PIGM: variants seen among roughly 807,000 people sequenced by gnomAD.
PIGM encodes phosphatidylinositol glycan anchor biosynthesis class M.
Under a neutral mutation model 14.6 loss-of-function variants are expected in PIGM, and 7 were observed. The observed-to-expected ratio is 0.48, with a 90% CI of 0.27 to 0.90. The LOEUF (loss-of-function observed/expected upper bound fraction) is 0.90, where lower values mean the gene tolerates loss of function less well. Among genes scored for constraint, PIGM ranks in the 40% least tolerant of loss-of-function variants. The pLI is 0.12. For missense variants in PIGM, 506 were observed against 516.2 expected, an observed-to-expected ratio of 0.98 and a Z score of 0.19; for synonymous variants, 216 against 215.9, an observed-to-expected ratio of 1.00 and a Z score of 0.00.
Position 160,031,967 on chromosome 1 carries a change from C to A in PIGM, c.-228G>T. The A allele has an allele frequency of 1.6e-6, 1 of 638,828 alleles. No individual in the cohort carries two copies. The highest frequency in any genetic ancestry group is 1.8e-5 in the South Asian group (1 of 56,148). 39.6% of individuals were successfully genotyped at this position (638,828 alleles called of 1,614,324 possible). The stretch of plus-strand genomic sequence containing the variant: ...CCGCCCGAGCCAAAAACTTGCCTTC[C>A]TCTGGATGGACGGTCTCGCTTCCGC... On this transcript the variant is annotated 5_prime_UTR_variant, in exon 1 of 1. The change creates a new upstream start codon in the 5' untranslated region. Transcript: ENST00000368090.
Position 160,025,531 on chromosome 1 carries a change from T to C in PIGM, c.*4937A>G, listed in dbSNP as rs1288092795. The C allele has an allele frequency of 6.6e-6, 1 of 152,180 alleles. No homozygotes were observed. Among genetic ancestry groups the C allele is most frequent in the South Asian group, 2.1e-4 (1 of 4,826 alleles). The allele number at this position is 152,180 out of a possible 1,614,324, so 9.4% of individuals were successfully genotyped here. On this transcript the variant is annotated 3_prime_UTR_variant, in exon 1 of 1. Transcript: ENST00000368090. Reference sequence around the variant, plus strand: ...GAAAAGTGCATGATGAAGCCAGCAGTAAACAAAGAAATTACACAATTTGGT... The same window carrying C: ...GAAAAGTGCATGATGAAGCCAGCAGCAAACAAAGAAATTACACAATTTGGT...
Position 160,031,865 on chromosome 1 carries a change from A to C in PIGM, c.-126T>G. 5.4e-6 allele frequency: 6 copies of C among 1,103,478 alleles called. No homozygotes were observed. In the South Asian group the frequency reaches 7.9e-5, roughly 15 times the overall value. The allele number at this position is 1,103,478 out of a possible 1,614,324, so 68.4% of individuals were successfully genotyped here. A position where few individuals can be genotyped will look rare whatever the true frequency, so the allele number is the denominator to read the frequency against. ...ACCCGCCAGGCTGCCAACCGAAACG[A>C]CTGCAGACTATCACATCCGGCATGA... On this transcript the variant is annotated 5_prime_UTR_variant, in exon 1 of 1. Coordinates refer to ENST00000368090, the MANE Select transcript of PIGM (RefSeq NM_145167.3).
In PIGM at chr1:160,031,045, G is replaced by T. The variant is rs1314899868; in HGVS notation, c.695C>A (p.Ala232Glu). The T allele has an allele frequency of 9.9e-6, 16 of 1,614,050 alleles. No homozygotes were observed. The highest frequency in any genetic ancestry group is 1.2e-5 in the Non-Finnish European group (14 of 1,180,038). ...GGCAAAAAACGTGAGTCCAGCAACTGCTACAAACAGCAGCACAGCCCGATT... is the reference window on the plus strand; with the variant it reads ...GGCAAAAAACGTGAGTCCAGCAACTTCTACAAACAGCAGCACAGCCCGATT... Reference protein sequence around the residue: ...LCNRAVLLFVAVAGLTFFALS... With the variant: ...LCNRAVLLFVEVAGLTFFALS... The change falls in exon 1 of 1, where the codon GCA becomes GAA. Residue 232 changes from alanine to glutamate, a missense_variant. Coordinates refer to ENST00000368090, the MANE Select transcript of PIGM (RefSeq NM_145167.3).
In PIGM at chr1:160,031,891, A is replaced by C; in HGVS notation, c.-152T>G. 1 of 967,766 alleles carries C rather than the reference A, an allele frequency of 1.0e-6. No individual in the cohort carries two copies. The highest frequency in any genetic ancestry group is 1.6e-6 in the Non-Finnish European group (1 of 617,026). 59.9% of individuals were successfully genotyped at this position (967,766 alleles called of 1,614,324 possible). A position where few individuals can be genotyped will look rare whatever the true frequency, so the allele number is the denominator to read the frequency against. On this transcript the variant is annotated 5_prime_UTR_variant, in exon 1 of 1. Transcript: ENST00000368090. ...CTGCAGACTATCACATCCGGCATGAAGCCCCGCCCCCGTACTGCTACCTGT... is the reference window on the plus strand; with the variant it reads ...CTGCAGACTATCACATCCGGCATGACGCCCCGCCCCCGTACTGCTACCTGT...
rs867687951 is a variant in PIGM, at chr1:160,031,841, C to G, written c.-102G>C. 1 of 1,397,886 alleles carries G rather than the reference C, an allele frequency of 7.2e-7. No individual in the cohort carries two copies. The highest frequency in any genetic ancestry group is 1.0e-6 in the Non-Finnish European group (1 of 997,678). The allele number at this position is 1,397,886 out of a possible 1,614,324, so 86.6% of individuals were successfully genotyped here. ...CAGCAGGTGGCCGCCGCATCTCCCA[C>G]CCGCCAGGCTGCCAACCGAAACGAC... On this transcript the variant is annotated 5_prime_UTR_variant, in exon 1 of 1. Transcript: ENST00000368090.
In PIGM at chr1:160,025,026, T is replaced by C. The variant is rs1648153450; in HGVS notation, c.*5442A>G. 6.6e-6 allele frequency: 1 copy of C among 152,244 alleles called. No homozygotes were observed. The highest frequency in any genetic ancestry group is 2.4e-5 in the African/African-American group (1 of 41,464). 9.4% of individuals were successfully genotyped at this position (152,244 alleles called of 1,614,324 possible). ...TGAGAATAAAGTTTATGATCAAAGG[T>C]AGTCAAACATTTATTTTATATAAAT... On this transcript the variant is annotated 3_prime_UTR_variant, in exon 1 of 1. Coordinates refer to ENST00000368090, the MANE Select transcript of PIGM (RefSeq NM_145167.3).
chr1:160,031,189 A>G lies in PIGM; in HGVS notation c.551T>C (p.Val184Ala), dbSNP rs1233584331. 5 of 1,614,172 alleles carry G rather than the reference A, an allele frequency of 3.1e-6. No individual in the cohort carries two copies. In the African/African-American group the frequency reaches 6.7e-5, roughly 22 times the overall value. ...GAGGGTTATGGGAAGGATGTAAGTC[A>G]CTGGATATATCTTCATATGCACCGC... is the stretch of plus-strand genomic sequence containing the variant. The part of the protein sequence containing the change: ...GFAVHMKIYP[V>A]TYILPITLHL... Residue 184 changes from valine (V) to alanine (A), a missense_variant, in exon 1 of 1, where the codon GTG becomes GCG. Val to Ala is a moderately conservative substitution (Grantham distance 64). Transcript: ENST00000368090.
In PIGM at chr1:160,028,724, A is replaced by G. The variant is rs2101918524; in HGVS notation, c.*1744T>C. 6.6e-6 allele frequency: 1 copy of G among 152,338 alleles called. No homozygotes were observed. The highest frequency in any genetic ancestry group is 2.1e-4 in the South Asian group (1 of 4,828). 9.4% of individuals were successfully genotyped at this position (152,338 alleles called of 1,614,324 possible). A position where few individuals can be genotyped will look rare whatever the true frequency, so the allele number is the denominator to read the frequency against. ...CTTATCTTTTAAAAAACACAATCAC[A>G]AAATCATATTCATATACTGCTACTG... On this transcript the variant is annotated 3_prime_UTR_variant, in exon 1 of 1. Transcript: ENST00000368090.
chr1:160,030,632 T>C lies in PIGM; in HGVS notation c.1108A>G (p.Met370Val), dbSNP rs1442560061. The C allele has an allele frequency of 1.9e-6, 3 of 1,614,226 alleles. No individual in the cohort carries two copies. The highest frequency in any genetic ancestry group is 2.2e-5 in the East Asian group (1 of 44,892). The change falls in exon 1 of 1, where the codon ATG (methionine) becomes GTG (valine). Residue 370 changes from methionine to valine, a missense_variant. Physicochemically the swap from Met to Val is conservative, Grantham distance 21. Transcript: ENST00000368090. ...LLMLWFIGQAMWLAPAYVLEF... is the reference protein window; with the variant it reads ...LLMLWFIGQAVWLAPAYVLEF... ...AGAACATAGGCAGGAGCCAGCCACATGGCCTGCCCTATAAACCATAACATT... is the reference window on the plus strand; with the variant it reads ...AGAACATAGGCAGGAGCCAGCCACACGGCCTGCCCTATAAACCATAACATT...
Position 160,029,698 on chromosome 1 carries a change from A to C in PIGM, c.*770T>G, listed in dbSNP as rs1648271213. The C allele has an allele frequency of 6.6e-6, 1 of 151,060 alleles. No homozygotes were observed. The highest frequency in any genetic ancestry group is 2.4e-5 in the African/African-American group (1 of 41,092). 9.4% of individuals were successfully genotyped at this position (151,060 alleles called of 1,614,324 possible). ...TGTAAGACCCCACATTTAATATAGA[A>C]GTTTAAAACTCTCTAAAATAATACT... On this transcript the variant is annotated 3_prime_UTR_variant, in exon 1 of 1. Coordinates refer to ENST00000368090, the MANE Select transcript of PIGM (RefSeq NM_145167.3).
Position 160,026,732 on chromosome 1 carries a change from G to A in PIGM, c.*3736C>T, listed in dbSNP as rs1053723766. On this transcript the variant is annotated 3_prime_UTR_variant, in exon 1 of 1. Transcript: ENST00000368090. ...GGTCCCAGCTACTTGGGAGGCTGAG[G>A]AGGAAGGATCACTTGAGCCTGGGAG... The A allele has an allele frequency of 6.6e-6, 1 of 152,178 alleles. No homozygotes were observed. The highest frequency in any genetic ancestry group is 1.5e-5 in the Non-Finnish European group (1 of 68,034). The allele number at this position is 152,178 out of a possible 1,614,324, so 9.4% of individuals were successfully genotyped here.
rs1246951495 is a variant in PIGM, at chr1:160,030,039, T to C, written c.*429A>G. The C allele has an allele frequency of 5.0e-6, 1 of 200,736 alleles. No homozygotes were observed. Among genetic ancestry groups the C allele is most frequent in the Admixed American group, 5.3e-5 (1 of 18,880 alleles). The allele number at this position is 200,736 out of a possible 1,614,324, so 12.4% of individuals were successfully genotyped here. A position where few individuals can be genotyped will look rare whatever the true frequency, so the allele number is the denominator to read the frequency against. ...ACCATACACAGTTTAAGAATATTTT[T>C]TGGATTTTCACAGCTGTCAGGAAAG... On this transcript the variant is annotated 3_prime_UTR_variant, in exon 1 of 1. Coordinates refer to ENST00000368090, the MANE Select transcript of PIGM (RefSeq NM_145167.3).
rs1225044337 is a variant in PIGM, at chr1:160,026,013, G to A, written c.*4455C>T. Reference sequence around the variant, plus strand: ...GTTGTTGGGGCAGGGCTTGGAGTTGGGGGTTGGATATTAAGATTCCAAACC... The same window carrying A: ...GTTGTTGGGGCAGGGCTTGGAGTTGAGGGTTGGATATTAAGATTCCAAACC... On this transcript the variant is annotated 3_prime_UTR_variant, in exon 1 of 1. Transcript: ENST00000368090. 1.3e-5 allele frequency: 2 copies of A among 152,080 alleles called. No homozygotes were observed. 9.4% of individuals were successfully genotyped at this position (152,080 alleles called of 1,614,324 possible).
At position 160,030,937 on chromosome 1, in the gene PIGM, C is replaced by A; in HGVS notation, c.803G>T (p.Arg268Leu). 5 of 1,614,128 alleles carry A rather than the reference C, an allele frequency of 3.1e-6. 1 individual carries two copies. In the South Asian group the frequency reaches 5.5e-5, roughly 18 times the overall value. ...YFYHLTRRDI[R>L]HNFSPYFYML... ...GTAGAAGTACGGAGAAAAGTTGTGA[C>A]GGATATCCCGCCTAGTCAGGTGATA... Residue 268 changes from arginine to leucine, a missense_variant, in exon 1 of 1, where the codon CGT becomes CTT. Physicochemically the swap from Arg to Leu is moderately radical, Grantham distance 102. Coordinates refer to ENST00000368090, the MANE Select transcript of PIGM (RefSeq NM_145167.3).
In PIGM at chr1:160,026,985, C is replaced by CT. The variant is rs995933756; in HGVS notation, c.*3482dup. 4.3e-4 allele frequency: 64 copies of CT among 148,750 alleles called. No individual in the cohort carries two copies. The highest frequency in any genetic ancestry group is 1.2e-3 in the African/African-American group (49 of 40,662). 9.2% of individuals were successfully genotyped at this position (148,750 alleles called of 1,614,324 possible). ...TCCCACTTCAGCTTCCCAAGTAGCA[C>CT]TTTTTTTTTTGTACAGATGGGGGTC... On this transcript the variant is annotated 3_prime_UTR_variant, in exon 1 of 1. Coordinates refer to ENST00000368090, the MANE Select transcript of PIGM (RefSeq NM_145167.3).
rs1571258631 is a variant in PIGM, at chr1:160,027,873, C to T, written c.*2595G>A. On this transcript the variant is annotated 3_prime_UTR_variant, in exon 1 of 1. Coordinates refer to ENST00000368090, the MANE Select transcript of PIGM (RefSeq NM_145167.3). ...ACAAAGTGCAAAATATCTTTTGCATCCCTTTAAGAAACACCTGCCTTTCTT... is the reference window on the plus strand; with the variant it reads ...ACAAAGTGCAAAATATCTTTTGCATTCCTTTAAGAAACACCTGCCTTTCTT... The T allele has an allele frequency of 1.3e-5, 2 of 152,182 alleles. No homozygotes were observed. The highest frequency in any genetic ancestry group is 4.8e-5 in the African/African-American group (2 of 41,540). 9.4% of individuals were successfully genotyped at this position (152,182 alleles called of 1,614,324 possible). A position where few individuals can be genotyped will look rare whatever the true frequency, so the allele number is the denominator to read the frequency against.
At position 160,028,432 on chromosome 1, in the gene PIGM, G is replaced by A. The variant is rs1425351742; in HGVS notation, c.*2036C>T. ...ACTAAATGTTATAAGGAAGGTCATT[G>A]TCCTCAGCAACTGACTCTGCTATTT... On this transcript the variant is annotated 3_prime_UTR_variant, in exon 1 of 1. Transcript: ENST00000368090. The A allele has an allele frequency of 6.6e-6, 1 of 152,090 alleles. No individual in the cohort carries two copies. Among genetic ancestry groups the A allele is most frequent in the Non-Finnish European group, 1.5e-5 (1 of 68,012 alleles). The allele number at this position is 152,090 out of a possible 1,614,324, so 9.4% of individuals were successfully genotyped here.
Position 160,031,467 on chromosome 1 carries a change from G to A in PIGM, c.273C>T (p.Ser91=). 1 of 1,613,382 alleles carries A rather than the reference G, an allele frequency of 6.2e-7. No individual in the cohort carries two copies. The highest frequency in any genetic ancestry group is 8.5e-7 in the Non-Finnish European group (1 of 1,179,334). ...TGAAGAGAAACTTTCCAAAGAGCTC[G>A]CTGAGGTAGATGTTGGGAGTGAGGA... ...GWLLTPNIYL[S]ELFGKFLFIS... The change falls in exon 1 of 1, where the codon AGC becomes AGT. Residue 91 remains serine (S), a synonymous_variant. Transcript: ENST00000368090.
chr1:160,030,387 G>C lies in PIGM; in HGVS notation c.*81C>G. On this transcript the variant is annotated 3_prime_UTR_variant, in exon 1 of 1. Coordinates refer to ENST00000368090, the MANE Select transcript of PIGM (RefSeq NM_145167.3). ...TTCACTAGAATGCTTAGAATGTTCA[G>C]AAAAAATGTCCCAAAGCTCTCTTCT... The C allele has an allele frequency of 7.0e-7, 1 of 1,438,550 alleles. No homozygotes were observed. Among genetic ancestry groups the C allele is most frequent in the Non-Finnish European group, 9.8e-7 (1 of 1,023,864 alleles). 89.1% of individuals were successfully genotyped at this position (1,438,550 alleles called of 1,614,324 possible). A position where few individuals can be genotyped will look rare whatever the true frequency, so the allele number is the denominator to read the frequency against.
Sources: allele counts gnomAD v4.1 joint callset, GRCh38; gene constraint gnomAD v4.1.1; transcripts MANE v1.5; gene names NCBI Gene and HGNC (gene_info 2026-07-23, HGNC 2026-07-21).